The following LSAMP variants were observed in gnomAD, a reference collection of about 807,000 sequenced individuals.
The protein encoded by LSAMP is limbic system-associated membrane protein.
Under a neutral mutation model 38.6 loss-of-function variants are expected in LSAMP, and 7 were observed. That is an observed-to-expected ratio of 0.18 (90% CI 0.10 to 0.34). The LOEUF (loss-of-function observed/expected upper bound fraction) is 0.34, where lower values mean the gene tolerates loss of function less well. LSAMP is among the 10% of genes least tolerant of loss of function. LSAMP has a pLI of 1.00. For synonymous variants in LSAMP, 154 were observed against 166.8 expected (o/e 0.92, Z 0.59); for missense variants, 313 against 420.0 (o/e 0.75, Z 2.23).
chr3:116,041,815 AC>A lies in LSAMP; in HGVS notation c.389-22176del, dbSNP rs200679981. Among the ~76,000 whole-genome samples the A allele has an allele frequency of 6.9e-3, 1,017 of 148,264 alleles. 16 individuals carry two copies. The highest frequency in any genetic ancestry group is 0.032 in the Middle Eastern group (9 of 282). ...AGCATGCAAAAAAAAACAAAACAAA[AC>A]AAAAAAAAAACACCTTGATTTTAAA... On this transcript the variant is annotated intron_variant, in intron 2 of 6. Transcript: ENST00000490035.
At chr3:116,057,957 C>CACACACACACACACACA (rs1553699978) in intron 2 of LSAMP, among the ~76,000 whole-genome samples, 1 of 117,478 alleles carries the variant, frequency 8.5e-6, no homozygotes, top group Non-Finnish European at 2.0e-5. Flanking sequence ...ACACACACAC[C>CACACACACACACACACA]CACACACACA....
chr3:116,335,000 A>C (rs928885033), intron 1 of LSAMP, among the ~76,000 whole-genome samples: 3 of 152,046 alleles, frequency 2.0e-5, no homozygotes, highest in Non-Finnish European at 2.9e-5. Context: ...TCCACAAAAA[A>C]CCTGTGAGAA....
chr3:116,091,509 T>C (rs995555896), intron 1 of LSAMP, among the ~76,000 whole-genome samples: 1 of 152,302 alleles, frequency 6.6e-6, no homozygotes, highest in East Asian at 1.9e-4. Flanking sequence ...TGTTTAGAGA[T>C]TGCAGTAAAG....
intron 1 of LSAMP, among the ~76,000 whole-genome samples, chr3:116,171,723 G>T (rs1710204213): frequency 6.6e-6 from 1 of 151,990 alleles, no homozygotes; most frequent in Non-Finnish European, 1.5e-5. Flanking sequence ...ATCATCCATG[G>T]GACCCTAGTA....
At chr3:115,893,204 G>A (rs1936645147) in intron 3 of LSAMP, among the ~76,000 whole-genome samples, 1 of 151,842 alleles carries the variant, frequency 6.6e-6, no homozygotes, top group Non-Finnish European at 1.5e-5. Context: ...GTAGATGAGG[G>A]GTTGTTGGGT....
chr3:116,354,248 G>A lies in LSAMP; in HGVS notation c.155+90629C>T, dbSNP rs562644604. On this transcript the variant is annotated intron_variant, in intron 1 of 6. Coordinates refer to ENST00000490035, the MANE Select transcript of LSAMP (RefSeq NM_002338.5). ...TACCCTCGGTTCTTTCCAAGACATC[G>A]CTGAATCAAAATCCAAAGCAGGTAT... 2.4e-4 allele frequency among the ~76,000 whole-genome samples: 37 copies of A among 152,154 alleles called. No homozygotes were observed. In the South Asian group the frequency reaches 7.0e-3, roughly 29 times the overall value.
At chr3:115,890,468 A>G (rs1936570734) in intron 3 of LSAMP, among the ~76,000 whole-genome samples, 1 of 151,966 alleles carries the variant, frequency 6.6e-6, no homozygotes, top group Non-Finnish European at 1.5e-5. Context: ...AGACCACATT[A>G]CTAGTTTGGA....
In LSAMP at chr3:115,834,513, A is replaced by T. The variant is rs747506769; in HGVS notation, c.919+7332T>A. On this transcript the variant is annotated intron_variant, in intron 6 of 6. Coordinates refer to ENST00000490035, the MANE Select transcript of LSAMP (RefSeq NM_002338.5). Reference sequence around the variant, plus strand: ...TTGTGTGTTTTGCATGTTAAAGATGATGGAGAATGACCCAGGAAGAGAGCT... The same window carrying T: ...TTGTGTGTTTTGCATGTTAAAGATGTTGGAGAATGACCCAGGAAGAGAGCT... 1.7e-5 allele frequency: 21 copies of T among 1,217,774 alleles called. No individual in the cohort carries two copies. The South Asian group carries it at 2.5e-4, about 15-fold the overall frequency. The allele number at this position is 1,217,774 out of a possible 1,614,324, so 75.4% of individuals were successfully genotyped here. A position where few individuals can be genotyped will look rare whatever the true frequency, so the allele number is the denominator to read the frequency against.
At chr3:116,193,258 A>T (rs1461289264) in intron 1 of LSAMP, among the ~76,000 whole-genome samples, 1 of 152,194 alleles carries the variant, frequency 6.6e-6, no homozygotes, top group African/African-American at 2.4e-5. Context: ...CAAAAAGGTA[A>T]ATCAATGCCT....
intron 1 of LSAMP, among the ~76,000 whole-genome samples, chr3:116,410,068 T>C (rs1329403138): frequency 6.6e-6 from 1 of 152,106 alleles, no homozygotes; most frequent in East Asian, 1.9e-4. Flanking sequence ...CTCAGGTGAA[T>C]CTCACTTTCC....
intron 2 of LSAMP, among the ~76,000 whole-genome samples, chr3:116,067,431 A>G (rs570901039): frequency 6.6e-6 from 1 of 152,332 alleles, no homozygotes; most frequent in South Asian, 2.1e-4. Context: ...CAGCTTATAC[A>G]CACTGCTGTG....
intron 3 of LSAMP, among the ~76,000 whole-genome samples, chr3:116,007,823 A>G (rs1303695353): frequency 2.6e-5 from 4 of 152,130 alleles, no homozygotes; most frequent in African/African-American, 9.7e-5. Flanking sequence ...GGGTTCTGTA[A>G]GTTTACTTTG....
intron 1 of LSAMP, among the ~76,000 whole-genome samples, chr3:116,184,472 G>A (rs1225144134): frequency 6.6e-6 from 1 of 151,946 alleles, no homozygotes; most frequent in East Asian, 1.9e-4. Context: ...CCAGGTAACT[G>A]AGTGAGGTAT....
intron 3 of LSAMP, among the ~76,000 whole-genome samples, chr3:115,866,490 A>G (rs900184089): frequency 6.6e-6 from 1 of 152,132 alleles, no homozygotes; most frequent in Non-Finnish European, 1.5e-5. Flanking sequence ...TTATGCATGG[A>G]TTTTGTTACA....
chr3:116,162,326 T>G (rs1365907674), intron 1 of LSAMP, among the ~76,000 whole-genome samples: 3 of 152,150 alleles, frequency 2.0e-5, no homozygotes, highest in Admixed American at 2.0e-4. Context: ...GAAGTCACCT[T>G]GTTCCTGGGA....
At chr3:116,320,463 T>A (rs1576125104) in intron 1 of LSAMP, among the ~76,000 whole-genome samples, 1 of 151,978 alleles carries the variant, frequency 6.6e-6, no homozygotes, top group East Asian at 1.9e-4. Context: ...TAAACTTCCC[T>A]CCATTTCTCT....
At chr3:116,374,462 AT>A (rs2048469765) in intron 1 of LSAMP, among the ~76,000 whole-genome samples, 1 of 151,898 alleles carries the variant, frequency 6.6e-6, no homozygotes, top group Non-Finnish European at 1.5e-5. Context: ...TTATGACAAC[AT>A]TAACTGCATT....
intron 3 of LSAMP, among the ~76,000 whole-genome samples, chr3:115,920,181 A>G (rs1450285794): frequency 6.6e-6 from 1 of 152,204 alleles, no homozygotes; most frequent in Admixed American, 6.5e-5. Flanking sequence ...CCTGATTTCA[A>G]TTCTTTTGTA....
At chr3:116,143,811 C>T (rs1249132696) in intron 1 of LSAMP, among the ~76,000 whole-genome samples, 1 of 151,704 alleles carries the variant, frequency 6.6e-6, no homozygotes, top group Non-Finnish European at 1.5e-5. Context: ...TTATTTCCTT[C>T]CACTTATTTA....
Sources: gnomAD v4.1 joint callset for allele counts (sites outside exome capture counted in the v4.1 genomes callset) on GRCh38, gnomAD v4.1.1 for gene constraint, MANE v1.5 for transcripts, NCBI Gene and HGNC (gene_info 2026-07-23, HGNC 2026-07-21) for gene names.